The following DNAJC11 variants were observed in gnomAD, a reference collection of about 807,000 sequenced individuals.
DNAJC11 encodes the protein DnaJ heat shock protein family (Hsp40) member C11.
In DNAJC11, 15 loss-of-function variants were observed where a neutral mutation model predicts 78.6. That is an observed-to-expected ratio of 0.19 (90% CI 0.13 to 0.29). The LOEUF (loss-of-function observed/expected upper bound fraction) is 0.29. Among genes scored for constraint, DNAJC11 ranks in the 10% least tolerant of loss-of-function variants. DNAJC11 has a pLI of 1.00. For synonymous variants in DNAJC11, 292 were observed against 272.1 expected (o/e 1.07, Z -0.72); for missense variants, 547 against 709.6 (o/e 0.77, Z 2.60).
At chr1:6,698,947 ATATATTTATATATAAATATT>A (rs1479229365) in intron 1 of DNAJC11, among the ~76,000 whole-genome samples, 1 of 147,808 alleles carries the variant, frequency 6.8e-6, no homozygotes, top group South Asian at 2.1e-4. Context: ...ATATAAATAT[ATATATTTATATATAAATATT>A]TATATCTATG....
chr1:6,635,508 A>G lies in DNAJC11; in HGVS notation c.*167T>C. On this transcript the variant is annotated 3_prime_UTR_variant, in exon 16 of 16. Coordinates refer to ENST00000377577, the MANE Select transcript of DNAJC11 (RefSeq NM_018198.4). The stretch of plus-strand genomic sequence containing the variant: ...CTCAGTCCTACCCCCAGCACCCTCA[A>G]AAGCTGGGGTGTCTGCATGTCCCTT... The G allele has an allele frequency of 1.4e-6, 1 of 738,386 alleles. No homozygotes were observed. Among genetic ancestry groups the G allele is most frequent in the Non-Finnish European group, 2.2e-6 (1 of 456,628 alleles). The allele number at this position is 738,386 out of a possible 1,614,324, so 45.7% of individuals were successfully genotyped here.
At chr1:6,694,175 TC>T (rs1310976068) in intron 1 of DNAJC11, among the ~76,000 whole-genome samples, 1 of 151,824 alleles carries the variant, frequency 6.6e-6, no homozygotes, top group Non-Finnish European at 1.5e-5. Flanking sequence ...TTTTCTCCTC[TC>T]CCCCTTTCCC....
chr1:6,675,053 A>C (rs2147875635), intron 3 of DNAJC11, among the ~76,000 whole-genome samples: 1 of 152,360 alleles, frequency 6.6e-6, no homozygotes, highest in Admixed American at 6.5e-5. Context: ...CAGTGAGAGA[A>C]TCCTCATATG....
In DNAJC11 at chr1:6,664,624, C is replaced by T. The variant is rs562843155; in HGVS notation, c.378+3085G>A. On this transcript the variant is annotated intron_variant, in intron 4 of 15. Transcript: ENST00000377577. Reference sequence around the variant, plus strand: ...TCCTCCTCAGTGTTGAATGAAACACCACCACCACATTTAGTTCTGAACGTC... The same window carrying T: ...TCCTCCTCAGTGTTGAATGAAACACTACCACCACATTTAGTTCTGAACGTC... 7.9e-5 allele frequency among the ~76,000 whole-genome samples: 12 copies of T among 152,286 alleles called. No homozygotes were observed. The South Asian group carries it at 2.5e-3, about 32-fold the overall frequency.
chr1:6,636,756 C>T (rs1641782054), intron 14 of DNAJC11, among the ~76,000 whole-genome samples: 2 of 152,184 alleles, frequency 1.3e-5, no homozygotes, highest in East Asian at 1.9e-4. Context: ...AGGAGCTGGG[C>T]AGCATCCCAC....
intron 1 of DNAJC11, among the ~76,000 whole-genome samples, chr1:6,690,832 G>C (rs1434888990): frequency 4.6e-5 from 7 of 152,190 alleles, no homozygotes; most frequent in Non-Finnish European, 4.4e-5. Context: ...GCTGAGGCAG[G>C]AGAATGGTGC....
At position 6,634,740 on chromosome 1, in the gene DNAJC11, CTG is replaced by C. The variant is rs1641723813; in HGVS notation, c.*933_*934del. The C allele has an allele frequency of 7.4e-7, 1 of 1,354,184 alleles. No individual in the cohort carries two copies. Among genetic ancestry groups the C allele is most frequent in the Non-Finnish European group, 9.8e-7 (1 of 1,015,704 alleles). The allele number at this position is 1,354,184 out of a possible 1,614,324, so 83.9% of individuals were successfully genotyped here. ...CTCCGGAGCACAGGCCCTGGTGTTC[CTG>C]TGAGGACGCTGGACCTGCAGGAGCG... On this transcript the variant is annotated 3_prime_UTR_variant, in exon 16 of 16. Transcript: ENST00000377577.
chr1:6,700,209 T>C (rs1642902892), intron 1 of DNAJC11, among the ~76,000 whole-genome samples: 1 of 152,208 alleles, frequency 6.6e-6, no homozygotes, highest in Non-Finnish European at 1.5e-5. Flanking sequence ...CTTGAGAATG[T>C]ACTTTGTGAG....
At position 6,637,239 on chromosome 1, in the gene DNAJC11, G is replaced by C; in HGVS notation, c.1483C>G (p.Leu495Val). 1 of 1,614,168 alleles carries C rather than the reference G, an allele frequency of 6.2e-7. No individual in the cohort carries two copies. ...VIDVTVPLQC[L>V]VKDSKLILTE... ...AGGATGAGCTTCGAGTCCTTCACCA[G>C]GCACTGCAGGGGCACAGTCACGTCA... Residue 495 changes from leucine to valine, a missense_variant, in exon 14 of 16, where the codon CTG becomes GTG. Coordinates refer to ENST00000377577, the MANE Select transcript of DNAJC11 (RefSeq NM_018198.4).
intron 3 of DNAJC11, among the ~76,000 whole-genome samples, chr1:6,673,572 C>A (rs1217948343): frequency 6.6e-6 from 1 of 152,194 alleles, no homozygotes; most frequent in African/African-American, 2.4e-5. Flanking sequence ...ACAGAAATTT[C>A]TAGTATAGCC....
intron 1 of DNAJC11, among the ~76,000 whole-genome samples, chr1:6,681,248 G>C (rs1005011657): frequency 2.6e-5 from 4 of 152,184 alleles, no homozygotes; most frequent in Non-Finnish European, 5.9e-5. Flanking sequence ...TAGGGACTGG[G>C]TTTTGCTGGG....
intron 1 of DNAJC11, among the ~76,000 whole-genome samples, chr1:6,697,097 G>A (rs1038715559): frequency 1.3e-5 from 2 of 152,202 alleles, no homozygotes; most frequent in South Asian, 2.1e-4. Context: ...TTAGGAACCA[G>A]ATGATGCATC....
At chr1:6,683,655 G>C (rs758945634) in intron 1 of DNAJC11, among the ~76,000 whole-genome samples, 18 of 152,314 alleles carry the variant, frequency 1.2e-4, no homozygotes, top group Non-Finnish European at 2.2e-4. Context: ...TTCAGTTGTG[G>C]TATCTTTTTG....
At chr1:6,658,397 T>C (rs1324000132) in intron 4 of DNAJC11, among the ~76,000 whole-genome samples, 1 of 152,198 alleles carries the variant, frequency 6.6e-6, no homozygotes, top group African/African-American at 2.4e-5. Flanking sequence ...ACTGAGTAAT[T>C]ATATGGTCAC....
intron 4 of DNAJC11, among the ~76,000 whole-genome samples, chr1:6,657,769 C>T (rs147501182): frequency 0.03 from 4,552 of 152,206 alleles, 213 homozygotes; most frequent in African/African-American, 0.098. Flanking sequence ...CTCAGCCTCC[C>T]GAGTAGCTGG....
At chr1:6,671,214 GATTT>G (rs767639424) in intron 3 of DNAJC11, among the ~76,000 whole-genome samples, 33 of 152,216 alleles carry the variant, frequency 2.2e-4, no homozygotes, top group Admixed American at 3.3e-4. Context: ...GACTTGATTT[GATTT>G]ATTTATTTAT....
intron 9 of DNAJC11, 127 bp downstream of exon 9, chr1:6,644,914 A>G: frequency 1.1e-6 from 1 of 941,688 alleles, no homozygotes; most frequent in East Asian, 2.4e-5. Context: ...CAAAATAGGA[A>G]GCTCTCCAAA....
At chr1:6,649,004 T>A (rs367758634) in intron 7 of DNAJC11, among the ~76,000 whole-genome samples, 15 of 152,096 alleles carry the variant, frequency 9.9e-5, no homozygotes, top group African/African-American at 1.7e-4. Flanking sequence ...TTAAAAAAAA[T>A]TTTTCTCGGT....
At chr1:6,644,907 A>G (rs989568176) in intron 9 of DNAJC11, 134 bp downstream of exon 9, 6 of 920,742 alleles carry the variant, frequency 6.5e-6, no homozygotes, top group Middle Eastern at 2.2e-4. Flanking sequence ...ACAGCCTCAA[A>G]ATAGGAAGCT....
Sources: gnomAD v4.1 joint callset for allele counts (sites outside exome capture counted in the v4.1 genomes callset) on GRCh38, gnomAD v4.1.1 for gene constraint, MANE v1.5 for transcripts, NCBI Gene and HGNC (gene_info 2026-07-23, HGNC 2026-07-21) for gene names.